Variants in FAM120C observed in about 807,000 individuals in gnomAD.
FAM120C encodes constitutive coactivator of PPAR-gamma-like protein 2.
In FAM120C, 14 loss-of-function variants were observed where a neutral mutation model predicts 71.2. That is an observed-to-expected ratio of 0.20 (90% CI 0.13 to 0.31). The LOEUF (loss-of-function observed/expected upper bound fraction) is 0.31. FAM120C is among the 10% of genes least tolerant of loss of function. The pLI is 1.00. For missense variants in FAM120C, 500 were observed against 879.0 expected, an observed-to-expected ratio of 0.57 and a Z score of 5.45; for synonymous variants, 354 against 353.2, an observed-to-expected ratio of 1.00 and a Z score of -0.03.
chrX:54,118,632 C>A (rs2146595242), intron 9 of FAM120C, among the ~76,000 whole-genome samples: 1 of 106,361 alleles, frequency 9.4e-6, no homozygotes, highest in South Asian at 4.3e-4. Context: ...CTATTATTCA[C>A]CATTGCCATT....
At chrX:54,077,174 A>C (rs1300427388) in intron 15 of FAM120C, among the ~76,000 whole-genome samples, 2 of 111,407 alleles carry the variant, frequency 1.8e-5, no homozygotes, top group East Asian at 2.8e-4. Flanking sequence ...TTAGAGAAAG[A>C]AAGCTCTAGT....
intron 13 of FAM120C, among the ~76,000 whole-genome samples, chrX:54,083,341 C>T (rs1427666805): frequency 9.2e-6 from 1 of 108,852 alleles, no homozygotes; most frequent in African/African-American, 3.3e-5. Flanking sequence ...GTGGCTCACA[C>T]CTGTAATCCC....
At chrX:54,084,530 A>G (rs1206382219) in intron 13 of FAM120C, among the ~76,000 whole-genome samples, 1 of 112,285 alleles carries the variant, frequency 8.9e-6, no homozygotes, top group Non-Finnish European at 1.9e-5. Flanking sequence ...TGTCTCCACT[A>G]AAATATCCTG....
intron 4 of FAM120C, among the ~76,000 whole-genome samples, chrX:54,140,489 G>A (rs781912234): frequency 2.0e-3 from 201 of 102,793 alleles, no homozygotes; most frequent in African/African-American, 6.7e-3. Context: ...GCGTGGTGGC[G>A]GACACCTGTA....
chrX:54,145,499 T>C (rs1166374285), intron 4 of FAM120C, among the ~76,000 whole-genome samples: 2 of 111,898 alleles, frequency 1.8e-5, no homozygotes, highest in Non-Finnish European at 3.8e-5. Flanking sequence ...GGGTGAAGGA[T>C]ATGAAAAGAC....
intron 15 of FAM120C, among the ~76,000 whole-genome samples, chrX:54,077,652 G>C: frequency 9.0e-6 from 1 of 111,241 alleles, no homozygotes; most frequent in Admixed American, 9.7e-5. Context: ...TTGGGTGACA[G>C]AGCGAGACCC....
chrX:54,137,220 T>C (rs1170443784), intron 4 of FAM120C, among the ~76,000 whole-genome samples: 1 of 111,622 alleles, frequency 9.0e-6, no homozygotes, highest in Non-Finnish European at 1.9e-5. Flanking sequence ...CCCAAAGTGC[T>C]GGGATTACAG....
intron 4 of FAM120C, among the ~76,000 whole-genome samples, chrX:54,138,967 A>G (rs1194399439): frequency 8.9e-6 from 1 of 112,533 alleles, no homozygotes; most frequent in African/African-American, 3.2e-5. Context: ...AGTCTCCTTG[A>G]ATATAATTTT....
chrX:54,116,919 AT>A, intron 9 of FAM120C, 125 bp from the exon 10 acceptor site: 1 of 833,352 alleles, frequency 1.2e-6, no homozygotes, highest in Non-Finnish European at 1.7e-6. Context: ...AATAATTTTT[AT>A]TTTTAGCAGC....
chrX:54,142,833 C>T (rs1318777926), intron 4 of FAM120C, among the ~76,000 whole-genome samples: 4 of 112,121 alleles, frequency 3.6e-5, no homozygotes, highest in Non-Finnish European at 5.6e-5. Context: ...CTGGGAGACA[C>T]CTCCCAGTAG....
At position 54,138,492 on chromosome X, in the gene FAM120C, T is replaced by A. The variant is rs1488648898; in HGVS notation, c.1159-1902A>T. ...TCCAGCCTGGGCAACAGAGACACTG[T>A]CTCAAAAAAAAAAAAAAAAAAAAAG... On this transcript the variant is annotated intron_variant, in intron 4 of 15. Transcript: ENST00000375180. Among the ~76,000 whole-genome samples the A allele has an allele frequency of 2.5e-3, 91 of 36,577 alleles. 1 individual carries two copies. The highest frequency in any genetic ancestry group is 6.6e-3 in the African/African-American group (83 of 12,493). 31.8% of individuals were successfully genotyped at this position (36,577 alleles called of 115,157 possible).
chrX:54,126,451 T>A (rs2067027818), intron 9 of FAM120C, among the ~76,000 whole-genome samples: 1 of 112,025 alleles, frequency 8.9e-6, no homozygotes, highest in Non-Finnish European at 1.9e-5. Flanking sequence ...CAATTTTTCA[T>A]ATACACAGGT....
At chrX:54,166,102 T>C (rs1381775131) in intron 1 of FAM120C, among the ~76,000 whole-genome samples, 1 of 110,985 alleles carries the variant, frequency 9.0e-6, no homozygotes, top group African/African-American at 3.3e-5. Context: ...AACCTAACAA[T>C]GTAAGAGAAC....
intron 15 of FAM120C, among the ~76,000 whole-genome samples, chrX:54,077,536 G>C (rs1317735942): frequency 9.0e-6 from 1 of 110,631 alleles, no homozygotes; most frequent in Non-Finnish European, 1.9e-5. Context: ...TTAAAAATTA[G>C]CTGGGTGTGG....
At chrX:54,077,324 A>G (rs1339640545) in intron 15 of FAM120C, among the ~76,000 whole-genome samples, 3 of 111,777 alleles carry the variant, frequency 2.7e-5, no homozygotes, top group East Asian at 5.6e-4. Flanking sequence ...TGTAATGTCA[A>G]TTCTGATACT....
intron 15 of FAM120C, among the ~76,000 whole-genome samples, chrX:54,075,026 C>T (rs1259410016): frequency 9.0e-6 from 1 of 111,319 alleles, no homozygotes; most frequent in Non-Finnish European, 1.9e-5. Context: ...GGCGTGGTGG[C>T]ATGCACCTGT....
intron 1 of FAM120C, chrX:54,174,197 T>G: frequency 2.0e-6 from 1 of 508,416 alleles, no homozygotes; most frequent in East Asian, 3.6e-5. Flanking sequence ...AGAGAGAGAG[T>G]GCAAACAAGA....
intron 13 of FAM120C, among the ~76,000 whole-genome samples, chrX:54,084,882 A>G (rs1557121780): frequency 9.0e-6 from 1 of 111,490 alleles, no homozygotes; most frequent in East Asian, 2.8e-4. Flanking sequence ...GTGTGTGTGT[A>G]TGTTTTCCTC....
At chrX:54,098,747 C>G (rs782554180) in intron 10 of FAM120C, among the ~76,000 whole-genome samples, 53 of 111,273 alleles carry the variant, frequency 4.8e-4, no homozygotes, top group African/African-American at 1.7e-3. Context: ...CCTCAGCCTC[C>G]TGAGTAGCTG....
Sources: gnomAD v4.1 joint callset for allele counts (sites outside exome capture counted in the v4.1 genomes callset) on GRCh38, gnomAD v4.1.1 for gene constraint, MANE v1.5 for transcripts, NCBI Gene and HGNC (gene_info 2026-07-23, HGNC 2026-07-21) for gene names.